The following DIP2C variants were observed in gnomAD, a reference collection of about 807,000 sequenced individuals.
DIP2C encodes the protein DIP2 acetate--CoA ligase C (putative).
DIP2C carries 33 observed loss-of-function variants against 192.4 expected under a neutral mutation model. That is an observed-to-expected ratio of 0.17 (90% CI 0.13 to 0.23). The LOEUF (loss-of-function observed/expected upper bound fraction) is 0.23, where lower values mean the gene tolerates loss of function less well. Among genes scored for constraint, DIP2C ranks in the 10% least tolerant of loss-of-function variants. The pLI is 1.00. For synonymous variants in DIP2C, 979 were observed against 864.1 expected, an observed-to-expected ratio of 1.13 and a Z score of -2.33; for missense variants, 1,537 against 2,110.1, an observed-to-expected ratio of 0.73 and a Z score of 5.32.
intron 32 of DIP2C, among the ~76,000 whole-genome samples, chr10:308,357 A>G (rs1343427581): frequency 6.6e-6 from 1 of 151,788 alleles, no homozygotes; most frequent in Non-Finnish European, 1.5e-5. Flanking sequence ...ATGTACTCTC[A>G]CTTCCATTTC....
chr10:363,533 G>A lies in DIP2C; in HGVS notation c.2478-222C>T, dbSNP rs905021693. Among the ~76,000 whole-genome samples the A allele has an allele frequency of 1.2e-4, 19 of 152,308 alleles. No individual in the cohort carries two copies. Among genetic ancestry groups the A allele is most frequent in the South Asian group, 1.2e-3 (6 of 4,818 alleles). On this transcript the variant is annotated intron_variant, in intron 20 of 36. Coordinates refer to ENST00000280886, the MANE Select transcript of DIP2C (RefSeq NM_014974.3). This position sits in a 1 kb window ranked among gnomAD's most constrained non-coding sequence, Gnocchi z 5.4. ...GAGGCAAGGTCACCCTGATCCCCAC[G>A]GAGGCCACACACAGCACCCGCGGGC...
intron 1 of DIP2C, among the ~76,000 whole-genome samples, chr10:493,700 T>C (rs1844616567): frequency 6.6e-6 from 1 of 152,158 alleles, no homozygotes; most frequent in South Asian, 2.1e-4. Flanking sequence ...AACATGAGCA[T>C]GAGGACAGGT....
intron 1 of DIP2C, among the ~76,000 whole-genome samples, chr10:576,142 C>T (rs1462884142): frequency 6.6e-6 from 1 of 152,180 alleles, no homozygotes; most frequent in Non-Finnish European, 1.5e-5. Flanking sequence ...CTGTCGGATT[C>T]CAGATGTGCT....
chr10:393,750 G>A (rs1418643604), intron 10 of DIP2C, among the ~76,000 whole-genome samples: 4 of 124,642 alleles, frequency 3.2e-5, no homozygotes, highest in Non-Finnish European at 6.2e-5. Flanking sequence ...CTGCACTCCA[G>A]CCTGGGTGAC....
chr10:482,399 AG>A (rs1379626385), intron 2 of DIP2C, among the ~76,000 whole-genome samples: 1 of 152,086 alleles, frequency 6.6e-6, no homozygotes, highest in East Asian at 1.9e-4. Context: ...TGATGGAAAA[AG>A]TGTGGGGCTT....
chr10:583,569 CTT>C (rs1850797207), intron 1 of DIP2C, among the ~76,000 whole-genome samples: 1 of 152,228 alleles, frequency 6.6e-6, no homozygotes, highest in Non-Finnish European at 1.5e-5. Context: ...TCAGGGCCCT[CTT>C]GTGTCCCACA....
intron 1 of DIP2C, among the ~76,000 whole-genome samples, chr10:574,847 A>G (rs990889981): frequency 1.3e-5 from 2 of 152,222 alleles, no homozygotes; most frequent in African/African-American, 4.8e-5. Flanking sequence ...CTGGTGTTCA[A>G]TGCTTTGTAT....
intron 1 of DIP2C, among the ~76,000 whole-genome samples, chr10:580,446 C>T (rs1344284460): frequency 6.6e-6 from 1 of 152,132 alleles, no homozygotes; most frequent in Non-Finnish European, 1.5e-5. Context: ...GCGTTAAATA[C>T]ATGCATGTAT....
At chr10:418,643 A>G (rs7073298) in intron 6 of DIP2C, among the ~76,000 whole-genome samples, 149,440 of 152,322 alleles carry the variant, frequency 0.98, 73,369 homozygotes, top group Middle Eastern at 1. Context: ...TCTTTCCTCC[A>G]AAGTCTAAAG....
intron 1 of DIP2C, chr10:669,567 T>C (rs764582044): frequency 3.3e-5 from 5 of 152,236 alleles, no homozygotes; most frequent in Non-Finnish European, 5.9e-5. Flanking sequence ...ATAAAACTGA[T>C]ATAATCCACT....
rs144531584 is a variant in DIP2C, at chr10:283,130, G to C, written c.4294+142C>G. The C allele has an allele frequency of 1.5e-3, 1,768 of 1,187,442 alleles. 22 individuals are homozygous for C. The Admixed American group carries it at 0.027, about 18-fold the overall frequency. 73.6% of individuals were successfully genotyped at this position (1,187,442 alleles called of 1,614,324 possible). On this transcript the variant is annotated intron_variant, in intron 35 of 36. Coordinates refer to ENST00000280886, the MANE Select transcript of DIP2C (RefSeq NM_014974.3). ...TGCTTTCCTCTTGCTCTTAAACTCG[G>C]TTCTTTTCACACTGGGTTGTAGCTA...
rs1954450130 is a variant in DIP2C at position 275,181 on chromosome 10, C to T, written c.*2144G>A. The T allele has an allele frequency of 6.6e-6, 1 of 152,256 alleles. No individual in the cohort carries two copies. The highest frequency in any genetic ancestry group is 2.1e-4 in the South Asian group (1 of 4,828). The allele number at this position is 152,256 out of a possible 1,614,324, so 9.4% of individuals were successfully genotyped here. A position where few individuals can be genotyped will look rare whatever the true frequency, so the allele number is the denominator to read the frequency against. ...TTTTGCTTCCTGACTTCAGCTGGACCTCAAAGCTGTCCTGCACACTGCAGC... is the reference window on the plus strand; with the variant it reads ...TTTTGCTTCCTGACTTCAGCTGGACTTCAAAGCTGTCCTGCACACTGCAGC... On this transcript the variant is annotated 3_prime_UTR_variant, in exon 37 of 37. Transcript: ENST00000280886.
At chr10:478,887 T>TAGGGGGAGGAAGAG (rs1433495570) in intron 2 of DIP2C, among the ~76,000 whole-genome samples, 2 of 151,772 alleles carry the variant, frequency 1.3e-5, no homozygotes, top group African/African-American at 4.8e-5. Flanking sequence ...CCAGAGAAGA[T>TAGGGGGAGGAAGAG]AGGGGGAGGA....
chr10:431,251 G>T (rs572703305), intron 4 of DIP2C, among the ~76,000 whole-genome samples: 1 of 152,022 alleles, frequency 6.6e-6, no homozygotes, highest in Non-Finnish European at 1.5e-5. Flanking sequence ...AAAAAAACTC[G>T]TTCGGATGTT....
At chr10:293,012 A>G (rs1955570072) in intron 32 of DIP2C, among the ~76,000 whole-genome samples, 1 of 152,152 alleles carries the variant, frequency 6.6e-6, no homozygotes, top group Admixed American at 6.5e-5. Context: ...CTCTACCCCA[A>G]CAGAAGTGCG....
chr10:424,770 C>A (rs975743875), intron 4 of DIP2C, among the ~76,000 whole-genome samples: 1 of 152,200 alleles, frequency 6.6e-6, no homozygotes, highest in African/African-American at 2.4e-5. Context: ...AGGAGCACAA[C>A]CATCTCCCCA....
chr10:584,328 G>C (rs1850855723), intron 1 of DIP2C, among the ~76,000 whole-genome samples: 1 of 152,114 alleles, frequency 6.6e-6, no homozygotes, highest in Non-Finnish European at 1.5e-5. Context: ...TCTTTACCAA[G>C]CATCTGTGTT....
chr10:301,741 G>A (rs1000116766), intron 32 of DIP2C, among the ~76,000 whole-genome samples: 1 of 152,162 alleles, frequency 6.6e-6, no homozygotes, highest in African/African-American at 2.4e-5. Flanking sequence ...CCGCGTCCTC[G>A]CCCGCTTGCA....
chr10:624,750 C>G (rs1335890450), intron 1 of DIP2C, among the ~76,000 whole-genome samples: 4 of 152,214 alleles, frequency 2.6e-5, no homozygotes, highest in Non-Finnish European at 5.9e-5. Flanking sequence ...TGCTGAGCCA[C>G]GAGCCAGGGA....
Sources: allele counts gnomAD v4.1 joint callset (sites outside exome capture counted in the v4.1 genomes callset), GRCh38; gene constraint gnomAD v4.1.1; non-coding constraint Gnocchi (gnomAD v3.1); transcripts MANE v1.5; gene names NCBI Gene and HGNC (gene_info 2026-07-23, HGNC 2026-07-21).